RIPOR2: variants seen among roughly 807,000 people sequenced by gnomAD.
RIPOR2 encodes RHO family interacting cell polarization regulator 2, also known as rho family-interacting cell polarization regulator 2.
Under a neutral mutation model 114.5 loss-of-function variants are expected in RIPOR2, and 39 were observed. The observed-to-expected ratio is 0.34, with a 90% CI of 0.26 to 0.44. RIPOR2 has a LOEUF of 0.44. RIPOR2 is among the 20% of genes least tolerant of loss of function. The probability of loss-of-function intolerance (pLI) is 1.00; values close to 1 mark genes in which losing one functional copy is unlikely to be tolerated. For missense variants in RIPOR2, 1,007 were observed against 1,255.1 expected (o/e 0.80, Z 2.99); for synonymous variants, 445 against 484.4 (o/e 0.92, Z 1.07).
intron 1 of RIPOR2, chr6:25,015,824 T>A (rs1031310713): frequency 6.8e-6 from 1 of 147,462 alleles, no homozygotes; most frequent in African/African-American, 2.5e-5. Context: ...GAGGAGGAGG[T>A]CTTTCATGGA....
intron 1 of RIPOR2, among the ~76,000 whole-genome samples, chr6:24,908,692 T>G (rs1769225671): frequency 6.6e-6 from 1 of 152,174 alleles, no homozygotes; most frequent in Non-Finnish European, 1.5e-5. Context: ...AGAAGAATTT[T>G]TATGAGAGTT....
At chr6:24,900,386 C>T (rs1768310956) in intron 1 of RIPOR2, among the ~76,000 whole-genome samples, 1 of 152,156 alleles carries the variant, frequency 6.6e-6, no homozygotes, top group Admixed American at 6.5e-5. Flanking sequence ...GTGCCTGGCA[C>T]ATTAGAAATG....
rs1777306221 is a variant in RIPOR2 at position 25,037,636 on chromosome 6, T to G, written c.76+4215A>C. 6.6e-6 allele frequency among the ~76,000 whole-genome samples: 1 copy of G among 152,200 alleles called. No homozygotes were observed. The highest frequency in any genetic ancestry group is 6.5e-5 in the Admixed American group (1 of 15,272). On this transcript the variant is annotated intron_variant, in intron 1 of 13. Transcript: ENST00000510784. The surrounding 1 kb of genome is among the most constrained non-coding windows in gnomAD (Gnocchi z 4.5). The stretch of plus-strand genomic sequence containing the variant: ...CATATTACCGTTCTCATACCTTGGT[T>G]TGATTATTATTATTATTTTTTTACT...
chr6:25,015,935 A>G (rs1581955204), intron 1 of RIPOR2: 1 of 103,188 alleles, frequency 9.7e-6, no homozygotes, highest in Non-Finnish European at 1.8e-5. Context: ...AAGGAGTCTT[A>G]CTCTGTCACC....
chr6:24,984,761 C>G (rs918378218), intron 1 of RIPOR2, among the ~76,000 whole-genome samples: 4 of 152,264 alleles, frequency 2.6e-5, no homozygotes, highest in East Asian at 1.9e-4. Flanking sequence ...CATGAATTCA[C>G]CCATGATTTA....
At chr6:24,990,180 T>A (rs1774739108) in intron 1 of RIPOR2, among the ~76,000 whole-genome samples, 2 of 152,260 alleles carry the variant, frequency 1.3e-5, no homozygotes, top group South Asian at 4.1e-4. Flanking sequence ...TTATCCAAAA[T>A]GATGTTTGTA....
At chr6:24,910,672 G>T in intron 1 of RIPOR2, 1 of 326,786 alleles carries the variant, frequency 3.1e-6, no homozygotes, top group Non-Finnish European at 4.4e-6. Context: ...ACCCACCAGG[G>T]TGGTGGAAGC....
upstream of RIPOR2, among the ~76,000 whole-genome samples, chr6:24,938,395 C>G (rs1771936246): frequency 6.6e-6 from 1 of 152,188 alleles, no homozygotes; most frequent in South Asian, 2.1e-4. Context: ...GGACTTCTAG[C>G]CTCCACAGCT....
intron 1 of RIPOR2, among the ~76,000 whole-genome samples, chr6:24,876,520 T>C (rs1216355779): frequency 1.3e-5 from 2 of 152,070 alleles, no homozygotes; most frequent in Non-Finnish European, 2.9e-5. Flanking sequence ...CACAGTCAAG[T>C]CTTAAGGCGG....
intron 8 of RIPOR2, among the ~76,000 whole-genome samples, chr6:24,856,353 G>A (rs1008207242): frequency 6.6e-6 from 1 of 152,184 alleles, no homozygotes; most frequent in African/African-American, 2.4e-5. Context: ...GCAGCATTTA[G>A]TTAGTCTTTA....
intron 1 of RIPOR2, among the ~76,000 whole-genome samples, chr6:24,880,198 T>C (rs1266211954): frequency 1.3e-5 from 2 of 152,158 alleles, no homozygotes; most frequent in Non-Finnish European, 2.9e-5. Context: ...TCACAGGCAA[T>C]GTTAATAGTA....
chr6:24,855,403 A>T (rs1006250897), intron 8 of RIPOR2, among the ~76,000 whole-genome samples: 11 of 152,022 alleles, frequency 7.2e-5, no homozygotes, highest in African/African-American at 1.5e-4. Context: ...TCAATGTTTT[A>T]AAAAAAGAAG....
intron 1 of RIPOR2, among the ~76,000 whole-genome samples, chr6:24,878,957 A>G (rs1226682110): frequency 3.3e-5 from 3 of 91,530 alleles, no homozygotes; most frequent in Non-Finnish European, 6.5e-5. Context: ...TAACAGGTAA[A>G]CAAGGTTCTC....
intron 1 of RIPOR2, among the ~76,000 whole-genome samples, chr6:25,009,339 T>C (rs963277025): frequency 1.3e-5 from 2 of 152,252 alleles, no homozygotes; most frequent in African/African-American, 4.8e-5. Context: ...TTCCTCTTTC[T>C]GGTAACTCAA....
intron 18 of RIPOR2, among the ~76,000 whole-genome samples, chr6:24,826,687 C>T (rs754116794): frequency 3.3e-5 from 5 of 151,968 alleles, no homozygotes; most frequent in Admixed American, 2.6e-4. Flanking sequence ...CATTCAAATG[C>T]GGAACTATTA....
intron 1 of RIPOR2, among the ~76,000 whole-genome samples, chr6:25,006,354 G>A (rs1775562403): frequency 6.6e-6 from 1 of 152,174 alleles, no homozygotes. Flanking sequence ...GCCTCTCATG[G>A]TTCTCATGAT....
chr6:24,830,807 C>G, intron 16 of RIPOR2, 137 bp from the exon 17 acceptor site: 1 of 870,028 alleles, frequency 1.1e-6, no homozygotes, highest in Non-Finnish European at 1.7e-6. Flanking sequence ...CTTCCGCCTC[C>G]TGGGTTCAAG....
intron 1 of RIPOR2, among the ~76,000 whole-genome samples, chr6:24,924,014 CT>C (rs1373402668): frequency 6.6e-6 from 1 of 152,100 alleles, no homozygotes; most frequent in Non-Finnish European, 1.5e-5. Flanking sequence ...TAGCGCTCTC[CT>C]GTCGTGTCTG....
intron 12 of RIPOR2, chr6:24,847,685 G>T (rs1272858831): frequency 1.0e-5 from 16 of 1,550,442 alleles, no homozygotes; most frequent in Non-Finnish European, 1.4e-5. Flanking sequence ...GAAGGATGCA[G>T]CCACCTCTTC....
Sources: gnomAD v4.1 joint callset for allele counts (sites outside exome capture counted in the v4.1 genomes callset) on GRCh38, gnomAD v4.1.1 for gene constraint, Gnocchi (gnomAD v3.1) non-coding constraint, MANE v1.5 for transcripts, NCBI Gene and HGNC (gene_info 2026-07-23, HGNC 2026-07-21) for gene names.